The following DOCK3 variants were observed in gnomAD, a reference collection of about 807,000 sequenced individuals.
The protein encoded by DOCK3 is dedicator of cytokinesis 3.
DOCK3 carries 60 observed loss-of-function variants against 265.6 expected under a neutral mutation model. The ratio of observed to expected loss-of-function variants is 0.23; its 90% CI spans 0.18 to 0.28. The LOEUF is 0.28. DOCK3 is among the 10% of genes least tolerant of loss of function. The pLI is 1.00. For missense variants in DOCK3, 1,981 were observed against 2,594.3 expected, an observed-to-expected ratio of 0.76 and a Z score of 5.14; for synonymous variants, 881 against 938.0, an observed-to-expected ratio of 0.94 and a Z score of 1.11.
At chr3:51,064,267 C>T (rs967833712) in intron 5 of DOCK3, among the ~76,000 whole-genome samples, 181 bp from the exon 6 acceptor site, 2 of 152,086 alleles carry the variant, frequency 1.3e-5, no homozygotes, top group African/African-American at 4.8e-5. Flanking sequence ...GATGTCACTA[C>T]GTAGAGATTT....
At chr3:51,177,707 T>C (rs575346468) in intron 12 of DOCK3, among the ~76,000 whole-genome samples, 31 of 152,248 alleles carry the variant, frequency 2.0e-4, no homozygotes, top group Admixed American at 3.9e-4. Flanking sequence ...ATATAAATTC[T>C]TGGCCAGGCG....
intron 1 of DOCK3, among the ~76,000 whole-genome samples, chr3:50,697,587 G>GTC (rs1576137942): frequency 1.3e-5 from 2 of 152,096 alleles, no homozygotes; most frequent in East Asian, 3.9e-4. Flanking sequence ...GCAAAACTCC[G>GTC]TCTCAAAAAC....
At chr3:51,168,839 G>T (rs529188532) in intron 12 of DOCK3, among the ~76,000 whole-genome samples, 1 of 151,590 alleles carries the variant, frequency 6.6e-6, no homozygotes, top group African/African-American at 2.4e-5. Flanking sequence ...TGCAAACTAT[G>T]CATCTGACAA....
In DOCK3 at chr3:51,356,105, A is replaced by C. The variant is rs757102117; in HGVS notation, c.4266A>C (p.Ala1422=). ...CCTGCCCAGACTTGCAGATCTATGC[A>C]GTGACGCCCATTCCAGATTATGTGG... ...QCDAQYLQIY[A]VTPIPDYVDV... Residue 1422 remains alanine (A), a synonymous_variant, in exon 42 of 53, where the codon GCA becomes GCC. Coordinates refer to ENST00000266037, the MANE Select transcript of DOCK3 (RefSeq NM_004947.5). 6 of 1,613,980 alleles carry C rather than the reference A, an allele frequency of 3.7e-6. No homozygotes were observed. The East Asian group carries it at 1.3e-4, about 36-fold the overall frequency.
chr3:51,009,892 G>A (rs1343243123), intron 5 of DOCK3, among the ~76,000 whole-genome samples: 1 of 152,180 alleles, frequency 6.6e-6, no homozygotes, highest in African/African-American at 2.4e-5. Context: ...AGTCATTCAG[G>A]AGCAGGTTGT....
chr3:51,010,667 G>A (rs1299045749), intron 5 of DOCK3, among the ~76,000 whole-genome samples: 2 of 152,158 alleles, frequency 1.3e-5, no homozygotes, highest in Non-Finnish European at 1.5e-5. Context: ...TCATTATGAT[G>A]TTAGCTGGTT....
chr3:51,194,113 T>C (rs1476392497), intron 12 of DOCK3, among the ~76,000 whole-genome samples: 1 of 152,140 alleles, frequency 6.6e-6, no homozygotes, highest in Non-Finnish European at 1.5e-5. Flanking sequence ...CCTGTTTTCG[T>C]TTATTTTGAG....
chr3:51,260,330 C>G lies in DOCK3; in HGVS notation c.2355+4C>G. The stretch of plus-strand genomic sequence containing the variant: ...AGAAACACTCCTTTTTACTCAGGTT[C>G]GCACACTGCAGGGAAGCTTTGATGC... On this transcript the variant is annotated splice_donor_region_variant and intron_variant, in intron 23 of 52. Transcript: ENST00000266037. 6.2e-7 allele frequency: 1 copy of G among 1,612,556 alleles called. No homozygotes were observed. The highest frequency in any genetic ancestry group is 2.2e-5 in the East Asian group (1 of 44,864).
intron 12 of DOCK3, among the ~76,000 whole-genome samples, chr3:51,164,484 A>G (rs1286490546): frequency 2.6e-5 from 4 of 152,088 alleles, no homozygotes; most frequent in Admixed American, 2.6e-4. Flanking sequence ...TTAGCCAGCC[A>G]TGATGGTGGG....
chr3:51,033,305 ACTT>A (rs1364652428), intron 5 of DOCK3, among the ~76,000 whole-genome samples: 4 of 152,230 alleles, frequency 2.6e-5, no homozygotes, highest in Non-Finnish European at 5.9e-5. Flanking sequence ...AGCAGATGTT[ACTT>A]CTTCAGCCCT....
At chr3:51,227,863 C>A in intron 16 of DOCK3, 119 bp from the exon 17 acceptor site, 1 of 967,228 alleles carries the variant, frequency 1.0e-6, no homozygotes, top group Non-Finnish European at 1.6e-6. Context: ...AGTCAGGTTG[C>A]CACCTAGTTA....
intron 3 of DOCK3, among the ~76,000 whole-genome samples, chr3:50,848,009 G>T (rs1183581680): frequency 6.6e-6 from 1 of 151,830 alleles, no homozygotes; most frequent in Non-Finnish European, 1.5e-5. Flanking sequence ...ATTTAGGATA[G>T]TTAAGTCTTG....
Position 51,341,217 on chromosome 3 carries a change from CAT to C in DOCK3, c.3767-19_3767-18del, listed in dbSNP as rs769142276. 6.4e-7 allele frequency: 1 copy of C among 1,554,146 alleles called. No homozygotes were observed. The highest frequency in any genetic ancestry group is 8.7e-7 in the Non-Finnish European group (1 of 1,149,520). ...TGAGCAAGGGAAGCCCCTGGACCTC[CAT>C]GCTGTCTGTCCCCACAGAGGCCGCA... On this transcript the variant is annotated intron_variant, in intron 37 of 52. Coordinates refer to ENST00000266037, the MANE Select transcript of DOCK3 (RefSeq NM_004947.5).
At chr3:51,103,010 A>C (rs900475085) in intron 9 of DOCK3, among the ~76,000 whole-genome samples, 1 of 152,134 alleles carries the variant, frequency 6.6e-6, no homozygotes, top group East Asian at 1.9e-4. Context: ...TAAAACTACT[A>C]TTCCCCTCCC....
chr3:51,295,690 TTCTC>T (rs539625173), intron 27 of DOCK3, among the ~76,000 whole-genome samples: 10 of 152,088 alleles, frequency 6.6e-5, no homozygotes, highest in African/African-American at 9.7e-5. Flanking sequence ...ATTAATTTCT[TTCTC>T]CTAAGATCAG....
chr3:51,375,818 T>C lies in DOCK3; in HGVS notation c.5483T>C (p.Leu1828Pro). ...TGCAAACCCTGCAGTGATCCCAATC[T>C]GTCTGTGGCTGAAAAAGGTATTGTT... ...GACKPCSDPN[L>P]SVAEKGHYSL... Residue 1828 changes from leucine to proline, a missense_variant, in exon 51 of 53, where the codon CTG (leucine) becomes CCG (proline). Physicochemically the swap from Leu to Pro is moderately conservative, Grantham distance 98 (BLOSUM62 -3). This residue lies in a region of DOCK3 where 1,357 missense variants were observed against 1,866.8 expected (regional missense o/e 0.73). Transcript: ENST00000266037. 6.2e-7 allele frequency: 1 copy of C among 1,614,008 alleles called. No individual in the cohort carries two copies. The highest frequency in any genetic ancestry group is 8.5e-7 in the Non-Finnish European group (1 of 1,179,884).
intron 19 of DOCK3, among the ~76,000 whole-genome samples, chr3:51,229,960 G>A (rs1350257358): frequency 2.0e-5 from 3 of 152,044 alleles, no homozygotes; most frequent in Non-Finnish European, 4.4e-5. Context: ...TTTGTATTCC[G>A]CATATAAGTG....
At chr3:50,955,602 ATGTTCTC>A (rs1335220578) in intron 5 of DOCK3, among the ~76,000 whole-genome samples, 3 of 152,176 alleles carry the variant, frequency 2.0e-5, no homozygotes, top group Non-Finnish European at 4.4e-5. Context: ...CAAATACTGG[ATGTTCTC>A]ACTTATAAGT....
At chr3:50,857,796 G>A (rs1375830120) in intron 3 of DOCK3, among the ~76,000 whole-genome samples, 2 of 152,242 alleles carry the variant, frequency 1.3e-5, no homozygotes, top group Non-Finnish European at 2.9e-5. Flanking sequence ...TGGAGAGGAT[G>A]TGGAGAAATA....
Sources: allele counts gnomAD v4.1 joint callset (sites outside exome capture counted in the v4.1 genomes callset), GRCh38; gene constraint gnomAD v4.1.1; regional missense constraint gnomAD v4.1.1; transcripts MANE v1.5; gene names NCBI Gene and HGNC (gene_info 2026-07-23, HGNC 2026-07-21).